NMRAL1: variants seen among roughly 807,000 people sequenced by gnomAD.
The protein encoded by NMRAL1 is NmrA like redox sensor 1, also known as nmrA-like family domain-containing protein 1.
NMRAL1 carries 32 observed loss-of-function variants against 27.5 expected under a neutral mutation model. That is an observed-to-expected ratio of 1.16 (90% CI 0.88 to 1.56). The LOEUF is 1.56. Among genes scored for constraint, NMRAL1 ranks in the 40% most tolerant of loss-of-function variants. NMRAL1 has a pLI of 0.00. For missense variants in NMRAL1, 420 were observed against 392.0 expected (o/e 1.07, Z -0.60); for synonymous variants, 166 against 166.8 (o/e 1.00, Z 0.04).
At chr16:4,467,570 C>G (rs1212309443) in intron 3 of NMRAL1, among the ~76,000 whole-genome samples, 2 of 151,748 alleles carry the variant, frequency 1.3e-5, no homozygotes, top group Non-Finnish European at 2.9e-5. Context: ...TTGCTGACAC[C>G]TTGATTTTGA....
At chr16:4,464,827 T>G (rs1327100609) in intron 4 of NMRAL1, among the ~76,000 whole-genome samples, 1 of 151,652 alleles carries the variant, frequency 6.6e-6, no homozygotes, top group African/African-American at 2.4e-5. Context: ...AAGTTAGCCA[T>G]GATGGTCTCG....
chr16:4,464,611 GTTT>G (rs775753695), intron 4 of NMRAL1, among the ~76,000 whole-genome samples: 13 of 133,050 alleles, frequency 9.8e-5, no homozygotes, highest in African/African-American at 4.1e-4. Flanking sequence ...CTGACTGCAG[GTTT>G]TTTTTTTTTT....
chr16:4,462,398 A>G (rs1436830651), intron 5 of NMRAL1, among the ~76,000 whole-genome samples: 1 of 152,154 alleles, frequency 6.6e-6, no homozygotes, highest in African/African-American at 2.4e-5. Context: ...GAATCGCTTG[A>G]AACCAGGAGG....
At chr16:4,474,190 G>C in intron 1 of NMRAL1, 24 bp from the exon 2 acceptor site, 1 of 1,572,364 alleles carries the variant, frequency 6.4e-7, no homozygotes, top group Non-Finnish European at 8.7e-7. Flanking sequence ...GAGGCGTGGA[G>C]TTGGGGGTGG....
intron 3 of NMRAL1, among the ~76,000 whole-genome samples, chr16:4,468,412 T>G (rs1034479395): frequency 1.3e-5 from 2 of 152,026 alleles, no homozygotes; most frequent in Non-Finnish European, 2.9e-5. Flanking sequence ...GGTCAGGAGT[T>G]CAAGACCAGC....
chr16:4,475,469 G>A (rs1035206534), upstream of NMRAL1, among the ~76,000 whole-genome samples: 1 of 151,344 alleles, frequency 6.6e-6, no homozygotes, highest in South Asian at 2.1e-4. Context: ...CACCATGCCC[G>A]GCTAAAATTT....
chr16:4,462,522 C>T (rs1243001898), intron 5 of NMRAL1, among the ~76,000 whole-genome samples: 3 of 151,988 alleles, frequency 2.0e-5, no homozygotes, highest in African/African-American at 4.8e-5. Context: ...GATCATGAGA[C>T]GAAAATATCT....
chr16:4,462,308 G>A (rs139420624), intron 5 of NMRAL1, among the ~76,000 whole-genome samples: 3 of 152,006 alleles, frequency 2.0e-5, no homozygotes, highest in South Asian at 2.1e-4. Context: ...ATAAAACCCC[G>A]TCTCTTTCAA....
chr16:4,469,542 G>A (rs1328080374), intron 2 of NMRAL1, 77 bp from the exon 3 acceptor site: 1 of 1,588,148 alleles, frequency 6.3e-7, no homozygotes. Flanking sequence ...CGAAGGGAGT[G>A]CTCCACCACA....
chr16:4,466,110 G>A, intron 4 of NMRAL1, 43 bp downstream of exon 4: 1 of 1,608,930 alleles, frequency 6.2e-7, no homozygotes, highest in Non-Finnish European at 8.5e-7. Flanking sequence ...CGGCTTTACA[G>A]GGTGAGAGCT....
intron 4 of NMRAL1, among the ~76,000 whole-genome samples, chr16:4,464,529 A>G (rs186949715): frequency 0.079 from 11,979 of 151,720 alleles, 781 homozygotes; most frequent in African/African-American, 0.17. Context: ...GACAGGGGCC[A>G]GTGCAGCTTC....
At chr16:4,472,859 T>C (rs1353053690) in intron 2 of NMRAL1, among the ~76,000 whole-genome samples, 1 of 151,882 alleles carries the variant, frequency 6.6e-6, no homozygotes, top group Non-Finnish European at 1.5e-5. Context: ...ATTTTATTCA[T>C]ATGAAATGTC....
intron 5 of NMRAL1, 101 bp downstream of exon 5, chr16:4,463,559 A>G (rs771704040): frequency 1.5e-5 from 13 of 891,058 alleles, no homozygotes; most frequent in South Asian, 3.1e-5. Context: ...ATGAATTTAG[A>G]TGTACTGCCC....
chr16:4,471,898 G>A (rs2057579826), intron 2 of NMRAL1, among the ~76,000 whole-genome samples: 1 of 151,770 alleles, frequency 6.6e-6, no homozygotes, highest in South Asian at 2.1e-4. Flanking sequence ...AGCAGGGTGA[G>A]ACCCAGTCTC....
chr16:4,465,900 A>G (rs1374692491), intron 4 of NMRAL1, among the ~76,000 whole-genome samples: 4 of 152,144 alleles, frequency 2.6e-5, no homozygotes, highest in African/African-American at 9.7e-5. Flanking sequence ...AAGCCTTCCA[A>G]TGGACCAAGC....
At chr16:4,473,920 C>A (rs1301803471) in intron 2 of NMRAL1, among the ~76,000 whole-genome samples, 173 bp downstream of exon 2, 1 of 151,286 alleles carries the variant, frequency 6.6e-6, no homozygotes, top group African/African-American at 2.4e-5. Flanking sequence ...AGCAAAACTC[C>A]GTCCAAAAAA....
intron 3 of NMRAL1, among the ~76,000 whole-genome samples, chr16:4,468,676 A>G (rs866283152): frequency 6.6e-6 from 1 of 152,000 alleles, no homozygotes; most frequent in African/African-American, 2.4e-5. Context: ...TCTGCTCTAT[A>G]TAATGGGCTT....
At chr16:4,467,523 C>A (rs970056953) in intron 3 of NMRAL1, among the ~76,000 whole-genome samples, 2 of 150,674 alleles carry the variant, frequency 1.3e-5, no homozygotes, top group Non-Finnish European at 3.0e-5. Flanking sequence ...CATAAACTAC[C>A]ACGCCTGGCC....
intron 3 of NMRAL1, among the ~76,000 whole-genome samples, 184 bp downstream of exon 3, chr16:4,469,043 C>CA (rs1279372020): frequency 6.7e-6 from 1 of 149,104 alleles, no homozygotes; most frequent in African/African-American, 2.5e-5. Flanking sequence ...CTCAAACAAA[C>CA]AAAAAAAAAG....
Sources: gnomAD v4.1 joint callset for allele counts (sites outside exome capture counted in the v4.1 genomes callset) on GRCh38, gnomAD v4.1.1 for gene constraint, MANE v1.5 for transcripts, NCBI Gene and HGNC (gene_info 2026-07-23, HGNC 2026-07-21) for gene names.